The following KLRC1 variants were observed in gnomAD, a reference collection of about 807,000 sequenced individuals.
KLRC1 encodes killer cell lectin like receptor C1.
In KLRC1, 22 loss-of-function variants were observed where a neutral mutation model predicts 25.9. The ratio of observed to expected loss-of-function variants is 0.85; its 90% confidence interval spans 0.61 to 1.21. The LOEUF is 1.21. Ranked by LOEUF, KLRC1 falls within the 50% of genes most tolerant of loss-of-function variation. The pLI is 0.00. For synonymous variants in KLRC1, 77 were observed against 93.1 expected (o/e 0.83, Z 0.99); for missense variants, 240 against 272.2 (o/e 0.88, Z 0.83).
intron 1 of KLRC1, among the ~76,000 whole-genome samples, chr12:10,452,627 A>G (rs1476149877): frequency 6.6e-6 from 1 of 152,210 alleles, no homozygotes. Context: ...AAAGCATGGA[A>G]AATAAATCTT....
chr12:10,448,896 A>G (rs1034934510), intron 5 of KLRC1, among the ~76,000 whole-genome samples: 1 of 152,198 alleles, frequency 6.6e-6, no homozygotes, highest in Non-Finnish European at 1.5e-5. Flanking sequence ...GGAAACTTTT[A>G]TTTCATGATC....
rs764109143 is a variant in KLRC1 at position 10,451,114 on chromosome 12, G to C, written c.43C>G (p.Pro15Ala). ...GVIYSDLNLP[P>A]NPKRQQRKPK... The stretch of plus-strand genomic sequence containing the variant: ...TTTCGTTGCTGCCTCTTTGGGTTTG[G>C]GGGCAGATTCAGGTCTGAGTAGATT... The change falls in exon 2 of 7, where the codon CCA becomes GCA. Residue 15 changes from proline to alanine, a missense_variant. Coordinates refer to ENST00000359151, the MANE Select transcript of KLRC1 (RefSeq NM_002259.5). The C allele has an allele frequency of 1.2e-6, 2 of 1,613,950 alleles. No individual in the cohort carries two copies. Among genetic ancestry groups the C allele is most frequent in the Non-Finnish European group, 1.7e-6 (2 of 1,179,966 alleles).
Sources: allele counts gnomAD v4.1 joint callset (sites outside exome capture counted in the v4.1 genomes callset), GRCh38; gene constraint gnomAD v4.1.1; transcripts MANE v1.5; gene names NCBI Gene and HGNC (gene_info 2026-07-23, HGNC 2026-07-21).